PM20D2: variants seen among roughly 807,000 people sequenced by gnomAD.
The protein encoded by PM20D2 is peptidase M20 domain containing 2, also known as xaa-Arg dipeptidase.
In PM20D2, 33 loss-of-function variants were observed where a neutral mutation model predicts 42.9. The ratio of observed to expected loss-of-function variants is 0.77; its 90% CI spans 0.58 to 1.03. The LOEUF (loss-of-function observed/expected upper bound fraction) is 1.03, where lower values mean the gene tolerates loss of function less well. Ranked by LOEUF, PM20D2 falls within the 50% of genes least tolerant of loss-of-function variation. The pLI is 0.00. For missense variants in PM20D2, 548 were observed against 557.0 expected (o/e 0.98, Z 0.16); for synonymous variants, 250 against 228.2 (o/e 1.10, Z -0.86).
At position 89,162,192 on chromosome 6, in the gene PM20D2, T is replaced by A. The variant is rs1431473965; in HGVS notation, c.1240T>A (p.Leu414Ile). The stretch of plus-strand genomic sequence containing the variant: ...ACTGGATGTTATTTTTAAACCAGAG[T>A]TACTGGAAGGAATCAGAGAGGACTT... Reference protein sequence around the residue: ...TALDVIFKPELLEGIREDFKL... With the variant: ...TALDVIFKPEILEGIREDFKL... Residue 414 changes from leucine (L) to isoleucine (I), a missense_variant, in exon 7 of 7, where the codon TTA (leucine) becomes ATA (isoleucine). Coordinates refer to ENST00000275072, the MANE Select transcript of PM20D2 (RefSeq NM_001010853.3). The A allele has an allele frequency of 6.2e-7, 1 of 1,614,038 alleles. No individual in the cohort carries two copies. Among genetic ancestry groups the A allele is most frequent in the Admixed American group, 1.7e-5 (1 of 60,026 alleles).
At chr6:89,099,080 T>G in the PM20D2 span, 2 of 1,145,220 alleles carry the variant, frequency 1.7e-6, no homozygotes, top group East Asian at 5.3e-5. Flanking sequence ...AAATTTCTCA[T>G]TTTATTATGC....
At chr6:89,113,845 G>A in the PM20D2 span, among the ~76,000 whole-genome samples, 1 of 152,068 alleles carries the variant, frequency 6.6e-6, no homozygotes, top group Admixed American at 6.6e-5. Context: ...GTTTTGCTAT[G>A]TTTCCCTGGC....
At chr6:89,145,692 C>T (rs558569603), upstream of PM20D2, among the ~76,000 whole-genome samples, 39 of 152,274 alleles carry the variant, frequency 2.6e-4, no homozygotes, top group South Asian at 8.1e-3. Context: ...GAAATACAAA[C>T]CTTGTGAGGT....
rs1770907611 is a variant in PM20D2 at position 89,153,051 on chromosome 6, T to G, written c.623T>G (p.Val208Gly). The change falls in exon 3 of 7, where the codon GTG becomes GGG. Residue 208 changes from valine to glycine, a missense_variant. By Grantham distance (109) the Val-to-Gly change is moderately radical. Transcript: ENST00000275072. Reference protein sequence around the residue: ...LPDMAEHDVTVKYYGKASHSA... With the variant: ...LPDMAEHDVTGKYYGKASHSA... ...GATTTTTTATTTCCTAGTGTGACTG[T>G]GAAATACTATGGAAAAGCATCTCAT... The G allele has an allele frequency of 6.3e-7, 1 of 1,595,976 alleles. No homozygotes were observed. The highest frequency in any genetic ancestry group is 8.5e-7 in the Non-Finnish European group (1 of 1,170,108).
rs755305931 is a variant in PM20D2, at chr6:89,164,099, C to T, written c.*1836C>T. 1.2e-4 allele frequency: 18 copies of T among 152,084 alleles called. No homozygotes were observed. The highest frequency in any genetic ancestry group is 3.2e-3 in the Middle Eastern group (1 of 316). 9.4% of individuals were successfully genotyped at this position (152,084 alleles called of 1,614,324 possible). On this transcript the variant is annotated 3_prime_UTR_variant, in exon 7 of 7. Transcript: ENST00000275072. ...CTGCTTTTCGGTTTTAACAAATTCT[C>T]CACATGTGAACTACTCAAGAAATTT... is the stretch of plus-strand genomic sequence containing the variant.
At chr6:89,122,723 G>A in the PM20D2 span, among the ~76,000 whole-genome samples, 1 of 152,178 alleles carries the variant, frequency 6.6e-6, no homozygotes, top group Non-Finnish European at 1.5e-5. Context: ...GTACCTTGAA[G>A]AAACAGTGTC....
At chr6:89,115,443 T>G in the PM20D2 span, among the ~76,000 whole-genome samples, 11 of 150,988 alleles carry the variant, frequency 7.3e-5, no homozygotes, top group Non-Finnish European at 1.6e-4. Flanking sequence ...CCACCACACC[T>G]GGCTAATTTT....
the PM20D2 span, among the ~76,000 whole-genome samples, chr6:89,101,775 A>G: frequency 6.6e-6 from 1 of 152,184 alleles, no homozygotes; most frequent in Admixed American, 6.5e-5. Context: ...AGGAGCAACC[A>G]CAAGACTGAC....
the PM20D2 span, among the ~76,000 whole-genome samples, chr6:89,102,958 T>C: frequency 6.6e-6 from 1 of 152,006 alleles, no homozygotes; most frequent in Admixed American, 6.6e-5. Context: ...GACATGGGGG[T>C]CTCACTATGT....
At chr6:89,111,629 A>G in the PM20D2 span, among the ~76,000 whole-genome samples, 11 of 152,078 alleles carry the variant, frequency 7.2e-5, no homozygotes, top group Admixed American at 5.2e-4. Flanking sequence ...TGTATTTTAT[A>G]TCTTTTTTCT....
At chr6:89,105,357 A>G in the PM20D2 span, 1 of 1,562,512 alleles carries the variant, frequency 6.4e-7, no homozygotes, top group Non-Finnish European at 8.7e-7. Context: ...AGAATTTTAA[A>G]TTAAAAAATC....
At chr6:89,094,463 GCCC>G in the PM20D2 span, among the ~76,000 whole-genome samples, 1 of 151,916 alleles carries the variant, frequency 6.6e-6, no homozygotes, top group African/African-American at 2.4e-5. Flanking sequence ...CAAATGATCT[GCCC>G]CACCCCCCGG....
chr6:89,101,551 G>A, the PM20D2 span, among the ~76,000 whole-genome samples: 145 of 152,102 alleles, frequency 9.5e-4, no homozygotes, highest in African/African-American at 3.3e-3. Context: ...GAGAAACTCC[G>A]CCTCTACTAA....
At chr6:89,146,902 A>G (rs372988885) in intron 1 of PM20D2, among the ~76,000 whole-genome samples, 8 of 152,328 alleles carry the variant, frequency 5.3e-5, no homozygotes, top group East Asian at 1.9e-4. Flanking sequence ...CTTACACCCA[A>G]GCCTGGTGTT....
chr6:89,154,724 C>A, intron 3 of PM20D2, 24 bp from the exon 4 acceptor site: 1 of 1,446,650 alleles, frequency 6.9e-7, no homozygotes, highest in Admixed American at 2.4e-5. Context: ...AAGCTTAATT[C>A]TAGTAATTTG....
the PM20D2 span, among the ~76,000 whole-genome samples, chr6:89,124,450 T>A: frequency 6.6e-6 from 1 of 152,190 alleles, no homozygotes; most frequent in Non-Finnish European, 1.5e-5. Context: ...ATTGTTTCAT[T>A]AGTGCCACAT....
the PM20D2 span, among the ~76,000 whole-genome samples, chr6:89,106,261 C>T: frequency 4.2e-5 from 6 of 141,910 alleles, no homozygotes; most frequent in Non-Finnish European, 9.2e-5. Flanking sequence ...TACAGGTGCC[C>T]GGCACCACAC....
chr6:89,133,276 A>G, the PM20D2 span, among the ~76,000 whole-genome samples: 1 of 151,250 alleles, frequency 6.6e-6, no homozygotes, highest in Non-Finnish European at 1.5e-5. Context: ...TAATAAAAGA[A>G]CATACTTGTG....
chr6:89,153,173 T>C lies in PM20D2; in HGVS notation c.745T>C (p.Trp249Arg). The C allele has an allele frequency of 6.2e-7, 1 of 1,603,286 alleles. No individual in the cohort carries two copies. The highest frequency in any genetic ancestry group is 8.5e-7 in the Non-Finnish European group (1 of 1,175,604). Residue 249 changes from tryptophan (W) to arginine (R), a missense_variant, in exon 3 of 7, where the codon TGG becomes CGG. Trp to Arg is a moderately radical substitution (Grantham distance 101, BLOSUM62 -3). Transcript: ENST00000275072. ...GTTCAGACAGCAAATGAAACCAACC[T>C]GGAGAGTTCATGGTATGAATGTCAA... ...SVFRQQMKPT[W>R]RVHGIIKNGG...
Sources: gnomAD v4.1 joint callset for allele counts (sites outside exome capture counted in the v4.1 genomes callset) on GRCh38, gnomAD v4.1.1 for gene constraint, MANE v1.5 for transcripts, NCBI Gene and HGNC (gene_info 2026-07-23, HGNC 2026-07-21) for gene names.